Variants in ABCC4 observed in about 807,000 individuals in gnomAD.
The protein encoded by ABCC4 is ATP binding cassette subfamily C member 4 (PEL blood group).
Under a neutral mutation model 168.5 loss-of-function variants are expected in ABCC4, and 102 were observed. That is an observed-to-expected ratio of 0.61 (90% CI 0.52 to 0.71). The LOEUF is 0.71. Among genes scored for constraint, ABCC4 ranks in the 30% least tolerant of loss-of-function variants. The pLI is 0.00. For synonymous variants in ABCC4, 617 were observed against 590.7 expected (o/e 1.04, Z -0.65); for missense variants, 1,402 against 1,605.8 (o/e 0.87, Z 2.17).
At chr13:95,139,487 G>A (rs898092016) in intron 19 of ABCC4, among the ~76,000 whole-genome samples, 1 of 152,158 alleles carries the variant, frequency 6.6e-6, no homozygotes, top group Non-Finnish European at 1.5e-5. Context: ...TAGGGGGTGA[G>A]CAAAACACCC....
intron 19 of ABCC4, among the ~76,000 whole-genome samples, chr13:95,150,968 T>G (rs2036654015): frequency 6.6e-6 from 1 of 152,248 alleles, no homozygotes; most frequent in Non-Finnish European, 1.5e-5. Flanking sequence ...GTATGATTTC[T>G]TTTGAACACA....
At chr13:95,109,287 G>C (rs1388040394) in intron 20 of ABCC4, among the ~76,000 whole-genome samples, 1 of 152,148 alleles carries the variant, frequency 6.6e-6, no homozygotes, top group African/African-American at 2.4e-5. Context: ...TTACAGAATG[G>C]AGTGGTAAAG....
At chr13:95,048,008 T>C (rs2032667817) in intron 27 of ABCC4, among the ~76,000 whole-genome samples, 1 of 152,204 alleles carries the variant, frequency 6.6e-6, no homozygotes, top group Non-Finnish European at 1.5e-5. Flanking sequence ...ACATAATCTG[T>C]TGAATGTATG....
At chr13:95,126,989 A>G (rs1024534696) in intron 19 of ABCC4, among the ~76,000 whole-genome samples, 13 of 151,622 alleles carry the variant, frequency 8.6e-5, no homozygotes, top group Admixed American at 1.3e-4. Flanking sequence ...AAATATTACT[A>G]TGATTCTTAT....
At chr13:95,076,384 G>A (rs2033904821) in intron 21 of ABCC4, among the ~76,000 whole-genome samples, 1 of 152,054 alleles carries the variant, frequency 6.6e-6, no homozygotes. Flanking sequence ...CATCTCTACA[G>A]AATTTTAAGA....
At chr13:95,236,976 T>C (rs2039791363) in intron 3 of ABCC4, among the ~76,000 whole-genome samples, 1 of 152,216 alleles carries the variant, frequency 6.6e-6, no homozygotes, top group South Asian at 2.1e-4. Context: ...ACACCTGGGC[T>C]ATCAGCCAGA....
intron 19 of ABCC4, among the ~76,000 whole-genome samples, chr13:95,133,698 GAAC>G (rs891575729): frequency 3.3e-5 from 5 of 152,120 alleles, no homozygotes; most frequent in South Asian, 4.1e-4. Context: ...GCAAAGCGAA[GAAC>G]AACAACAGCG....
chr13:95,180,271 C>T (rs996564379), intron 11 of ABCC4, among the ~76,000 whole-genome samples: 11 of 152,070 alleles, frequency 7.2e-5, no homozygotes, highest in African/African-American at 1.9e-4. Flanking sequence ...AAAGACAACG[C>T]GGCCAGGCAC....
intron 4 of ABCC4, among the ~76,000 whole-genome samples, chr13:95,223,278 GA>G: frequency 6.6e-6 from 1 of 152,162 alleles, no homozygotes; most frequent in Non-Finnish European, 1.5e-5. Flanking sequence ...AGACATGCAA[GA>G]AAGAAAATTT....
intron 1 of ABCC4, among the ~76,000 whole-genome samples, chr13:95,256,505 C>T (rs1392350667): frequency 1.3e-5 from 2 of 152,210 alleles, no homozygotes; most frequent in African/African-American, 4.8e-5. Context: ...CCTGTAATCC[C>T]AACACCTTGG....
At chr13:95,199,329 G>T (rs1224413558) in intron 8 of ABCC4, among the ~76,000 whole-genome samples, 1 of 152,102 alleles carries the variant, frequency 6.6e-6, no homozygotes, top group Non-Finnish European at 1.5e-5. Flanking sequence ...GAGAGGCAAG[G>T]AAGAAAGTGA....
chr13:95,197,747 T>C (rs2038500668), intron 8 of ABCC4, among the ~76,000 whole-genome samples: 1 of 152,126 alleles, frequency 6.6e-6, no homozygotes, highest in Non-Finnish European at 1.5e-5. Flanking sequence ...CAGAGACACA[T>C]TTTACTGGAT....
chr13:95,231,640 C>T lies in ABCC4; in HGVS notation c.531+2970G>A, dbSNP rs189413495. 5.9e-5 allele frequency among the ~76,000 whole-genome samples: 9 copies of T among 152,294 alleles called. No individual in the cohort carries two copies. The East Asian group carries it at 1.7e-3, about 29-fold the overall frequency. The stretch of plus-strand genomic sequence containing the variant: ...CCTGGGCATGTTTCCACATACAAGG[C>T]AGGACATGAGGATATTCGTCTTTCC... On this transcript the variant is annotated intron_variant, in intron 4 of 30. Transcript: ENST00000645237.
intron 20 of ABCC4, among the ~76,000 whole-genome samples, chr13:95,107,595 A>G (rs1456696516): frequency 7.9e-5 from 12 of 152,206 alleles, no homozygotes; most frequent in Non-Finnish European, 1.6e-4. Flanking sequence ...AGAGCTATAT[A>G]TATCACAACC....
intron 3 of ABCC4, among the ~76,000 whole-genome samples, chr13:95,244,669 G>A (rs9561818): frequency 0.092 from 5,260 of 57,480 alleles, 555 homozygotes; most frequent in East Asian, 0.12. Flanking sequence ...AAGAAAGAAA[G>A]AAATCATAGC....
intron 9 of ABCC4, among the ~76,000 whole-genome samples, chr13:95,194,041 G>A (rs963002100): frequency 4.6e-5 from 7 of 152,200 alleles, no homozygotes; most frequent in Admixed American, 2.0e-4. Flanking sequence ...TAGTAGTGGC[G>A]TCTATGAGCA....
chr13:95,180,273 G>A (rs1312792554), intron 11 of ABCC4, among the ~76,000 whole-genome samples: 1 of 151,946 alleles, frequency 6.6e-6, no homozygotes. Context: ...AGACAACGCG[G>A]CCAGGCACGG....
chr13:95,067,751 G>C (rs2033597570), intron 25 of ABCC4, among the ~76,000 whole-genome samples: 1 of 152,078 alleles, frequency 6.6e-6, no homozygotes, highest in Non-Finnish European at 1.5e-5. Flanking sequence ...GCACACTATA[G>C]CAAGGTCTAG....
intron 8 of ABCC4, among the ~76,000 whole-genome samples, chr13:95,196,602 A>G (rs1293182130): frequency 4.4e-4 from 3 of 6,864 alleles, no homozygotes; most frequent in African/African-American, 1.9e-3. Context: ...GGAAGGAAGG[A>G]AGGAAGGAAG....
Sources: gnomAD v4.1 joint callset for allele counts (sites outside exome capture counted in the v4.1 genomes callset) on GRCh38, gnomAD v4.1.1 for gene constraint, MANE v1.5 for transcripts, NCBI Gene and HGNC (gene_info 2026-07-23, HGNC 2026-07-21) for gene names.